The following MAST4 variants were observed in gnomAD, a reference collection of about 807,000 sequenced individuals.
MAST4 encodes microtubule associated serine/threonine kinase family member 4, also known as microtubule-associated serine/threonine-protein kinase 4.
MAST4 carries 89 observed loss-of-function variants against 162.7 expected under a neutral mutation model. The observed-to-expected ratio is 0.55, with a 90% CI of 0.46 to 0.65. MAST4 has a LOEUF of 0.65. Ranked by LOEUF, MAST4 falls within the 30% of genes least tolerant of loss-of-function variation. MAST4 has a pLI of 0.00. For missense variants in MAST4, 3,153 were observed against 3,374.0 expected (o/e 0.93, Z 1.62); for synonymous variants, 1,479 against 1,361.1 (o/e 1.09, Z -1.91).
At chr5:66,899,885 T>G in intron 3 of MAST4, 66 bp from the exon 4 acceptor site, 1 of 1,258,086 alleles carries the variant, frequency 7.9e-7, no homozygotes, top group Non-Finnish European at 1.1e-6. Context: ...ACGTTATCCA[T>G]TTGGTATCCT....
chr5:67,156,195 CTATAAA>C (rs1772504814), intron 26 of MAST4, among the ~76,000 whole-genome samples: 2 of 152,008 alleles, frequency 1.3e-5, no homozygotes, highest in Admixed American at 1.3e-4. Context: ...GAGGTGGGTG[CTATAAA>C]TATAAATGTT....
chr5:66,916,685 T>G (rs1176442910), intron 4 of MAST4, among the ~76,000 whole-genome samples: 1 of 152,184 alleles, frequency 6.6e-6, no homozygotes, highest in East Asian at 1.9e-4. Flanking sequence ...ATACATTGAT[T>G]TGTTGCAGTT....
intron 2 of MAST4, among the ~76,000 whole-genome samples, chr5:66,769,652 G>C (rs1392371250): frequency 6.6e-6 from 1 of 152,140 alleles, no homozygotes; most frequent in Non-Finnish European, 1.5e-5. Flanking sequence ...TTATGTATCT[G>C]ACATACCTAA....
chr5:67,146,790 A>G (rs1771137951), intron 23 of MAST4, among the ~76,000 whole-genome samples: 2 of 152,204 alleles, frequency 1.3e-5, no homozygotes, highest in South Asian at 4.1e-4. Context: ...TCATAAAGCC[A>G]AGAGAACAGC....
chr5:67,049,384 C>G (rs1330220731), intron 4 of MAST4, among the ~76,000 whole-genome samples: 1 of 152,078 alleles, frequency 6.6e-6, no homozygotes, highest in Non-Finnish European at 1.5e-5. Context: ...AGACAGAAAG[C>G]TGCTTAGTTC....
intron 4 of MAST4, among the ~76,000 whole-genome samples, chr5:66,948,782 A>G (rs1744329977): frequency 6.6e-6 from 1 of 152,142 alleles, no homozygotes; most frequent in African/African-American, 2.4e-5. Flanking sequence ...CCTTGTGACT[A>G]TACTTTTAGT....
intron 4 of MAST4, among the ~76,000 whole-genome samples, chr5:67,045,214 A>G (rs1757218526): frequency 6.6e-6 from 1 of 152,238 alleles, no homozygotes; most frequent in Non-Finnish European, 1.5e-5. Context: ...AGTGTTACAT[A>G]AAATATAATC....
At chr5:67,132,094 T>C (rs1263802336) in intron 16 of MAST4, 143 bp downstream of exon 16, 2 of 919,364 alleles carry the variant, frequency 2.2e-6, no homozygotes, top group Non-Finnish European at 3.1e-6. Context: ...GTATATATGG[T>C]AATTTGTATG....
At chr5:66,870,735 C>A in intron 3 of MAST4, 1 of 470,234 alleles carries the variant, frequency 2.1e-6, no homozygotes, top group Non-Finnish European at 4.4e-6. Flanking sequence ...CACCTTCTCC[C>A]TTCCCACCTC....
At chr5:66,721,778 T>G (rs1416927660) in intron 1 of MAST4, among the ~76,000 whole-genome samples, 1 of 151,642 alleles carries the variant, frequency 6.6e-6, no homozygotes, top group Non-Finnish European at 1.5e-5. Flanking sequence ...ACTGAACTTC[T>G]TGTCTACCCA....
intron 3 of MAST4, among the ~76,000 whole-genome samples, chr5:66,886,312 A>G (rs1762037354): frequency 6.6e-6 from 1 of 152,162 alleles, no homozygotes; most frequent in African/African-American, 2.4e-5. Context: ...TTTCTGGTTG[A>G]TACACAATTC....
chr5:66,608,311 C>T (rs2149390211), intron 1 of MAST4, among the ~76,000 whole-genome samples: 1 of 141,822 alleles, frequency 7.1e-6, no homozygotes, highest in African/African-American at 2.6e-5. Flanking sequence ...CTGCCTTGGT[C>T]TCCCAAAATG....
chr5:66,712,277 A>G (rs998722631), intron 1 of MAST4, among the ~76,000 whole-genome samples: 1 of 152,222 alleles, frequency 6.6e-6, no homozygotes, highest in Non-Finnish European at 1.5e-5. Flanking sequence ...ACAGTTTTCC[A>G]AAGTGGTTGT....
rs1224314167 is a variant in MAST4, at chr5:66,714,014, C to T, written c.364-45695C>T. Among the ~76,000 whole-genome samples, 8 of 152,272 alleles carry T rather than the reference C, an allele frequency of 5.3e-5. No homozygotes were observed. The East Asian group carries it at 1.5e-3, about 29-fold the overall frequency. On this transcript the variant is annotated intron_variant, in intron 1 of 28. Coordinates refer to ENST00000403625, the MANE Select transcript of MAST4 (RefSeq NM_001164664.2). The stretch of plus-strand genomic sequence containing the variant: ...CATGATGAAAGTACTTTTGTATTCC[C>T]ATTTTACAGATAGGAAAGTTGAGAC...
intron 4 of MAST4, among the ~76,000 whole-genome samples, chr5:66,904,175 G>A (rs1763194318): frequency 6.6e-6 from 1 of 152,164 alleles, no homozygotes; most frequent in Non-Finnish European, 1.5e-5. Flanking sequence ...TTCAGGCAAG[G>A]AAGGTGCAAA....
chr5:66,980,102 T>G (rs1390659514), intron 4 of MAST4, among the ~76,000 whole-genome samples: 4 of 152,202 alleles, frequency 2.6e-5, no homozygotes, highest in Non-Finnish European at 5.9e-5. Flanking sequence ...TATAAAGAAA[T>G]GTTTTATCAG....
At position 67,129,189 on chromosome 5, in the gene MAST4, G is replaced by A. The variant is rs566428985; in HGVS notation, c.1746-1021G>A. On this transcript the variant is annotated intron_variant, in intron 14 of 28. Coordinates refer to ENST00000403625, the MANE Select transcript of MAST4 (RefSeq NM_001164664.2). Reference sequence around the variant, plus strand: ...AGAAATACAGCTCCATCGTTGGCCCGCTCTTATGCTGGGACATGCATTTCC... The same window carrying A: ...AGAAATACAGCTCCATCGTTGGCCCACTCTTATGCTGGGACATGCATTTCC... Among the ~76,000 whole-genome samples, 10 of 152,242 alleles carry A rather than the reference G, an allele frequency of 6.6e-5. No homozygotes were observed. In the East Asian group the frequency reaches 1.7e-3, roughly 26 times the overall value.
intron 1 of MAST4, among the ~76,000 whole-genome samples, chr5:66,755,230 G>C (rs1309391147): frequency 6.6e-6 from 1 of 152,192 alleles, no homozygotes; most frequent in African/African-American, 2.4e-5. Context: ...TTACTAGTTG[G>C]ATATGGAGTG....
At chr5:66,872,151 TTTTG>T (rs149530554) in intron 3 of MAST4, among the ~76,000 whole-genome samples, 52,095 of 150,166 alleles carry the variant, frequency 0.35, 11,030 homozygotes, top group Non-Finnish European at 0.48. Flanking sequence ...GATATAAATT[TTTTG>T]TTTGTTTGTT....
Sources: gnomAD v4.1 joint callset for allele counts (sites outside exome capture counted in the v4.1 genomes callset) on GRCh38, gnomAD v4.1.1 for gene constraint, MANE v1.5 for transcripts, NCBI Gene and HGNC (gene_info 2026-07-23, HGNC 2026-07-21) for gene names.